Variants in LRP4 observed in about 807,000 individuals in gnomAD.
LRP4 encodes LDL receptor related protein 4, also known as low-density lipoprotein receptor-related protein 4.
Under a neutral mutation model 220.3 loss-of-function variants are expected in LRP4, and 95 were observed. That is an observed-to-expected ratio of 0.43 (90% CI 0.37 to 0.51). The LOEUF is 0.51. Among genes scored for constraint, LRP4 ranks in the 20% least tolerant of loss-of-function variants. The pLI is 0.00. For missense variants in LRP4, 1,925 were observed against 2,567.0 expected (o/e 0.75, Z 5.40); for synonymous variants, 903 against 954.6 (o/e 0.95, Z 1.00).
chr11:46,909,243 G>A (rs1941812342), intron 1 of LRP4, among the ~76,000 whole-genome samples: 2 of 152,004 alleles, frequency 1.3e-5, no homozygotes, highest in South Asian at 4.1e-4. Flanking sequence ...GAAGGCTTAA[G>A]GAGTACCCTG....
intron 7 of LRP4, among the ~76,000 whole-genome samples, chr11:46,897,417 G>A (rs112304428): frequency 0.044 from 6,231 of 142,612 alleles, 400 homozygotes; most frequent in African/African-American, 0.15. Flanking sequence ...GGTGTTTCTC[G>A]CAGAGGGGGA....
chr11:46,900,096 G>T (rs1007616796), intron 3 of LRP4, 120 bp from the exon 4 acceptor site: 5 of 991,058 alleles, frequency 5.0e-6, no homozygotes, highest in Non-Finnish European at 8.0e-6. Flanking sequence ...CTCCGAAGGA[G>T]GTGGCTGCCT....
At chr11:46,880,510 G>A (rs1429819152) in intron 20 of LRP4, among the ~76,000 whole-genome samples, 1 of 152,114 alleles carries the variant, frequency 6.6e-6, no homozygotes, top group Non-Finnish European at 1.5e-5. Flanking sequence ...AGTAGTAGGT[G>A]CCTGTGGTCC....
intron 12 of LRP4, among the ~76,000 whole-genome samples, chr11:46,893,694 G>A (rs1167914759): frequency 6.6e-6 from 1 of 152,048 alleles, no homozygotes; most frequent in Admixed American, 6.5e-5. Flanking sequence ...CCACCTCCTG[G>A]GTTCAAGAGT....
chr11:46,885,704 G>A lies in LRP4; in HGVS notation c.2506+387C>T, dbSNP rs1941272871. On this transcript the variant is annotated intron_variant, in intron 18 of 37. Transcript: ENST00000378623. ...GGAGAAAACAGCATGAACCCGGGAG[G>A]CGGAGCTTGCAGTGAGCCGAGATCG... Among the ~76,000 whole-genome samples, 3 of 150,596 alleles carry A rather than the reference G, an allele frequency of 2.0e-5. 1 individual carries two copies. The highest frequency in any genetic ancestry group is 7.4e-5 in the African/African-American group (3 of 40,810).
intron 1 of LRP4, among the ~76,000 whole-genome samples, chr11:46,908,763 T>G (rs1941804216): frequency 6.6e-6 from 1 of 152,212 alleles, no homozygotes. Context: ...AAGTCTGGCG[T>G]CCCAGCACTT....
chr11:46,874,730 G>T, intron 28 of LRP4, 70 bp downstream of exon 28: 1 of 1,412,256 alleles, frequency 7.1e-7, no homozygotes. Flanking sequence ...TTAGTGGTCA[G>T]AACACAACCT....
chr11:46,865,024 AC>A (rs1358844342), intron 35 of LRP4, 94 bp downstream of exon 35: 26 of 1,067,420 alleles, frequency 2.4e-5, no homozygotes, highest in South Asian at 2.3e-4. Flanking sequence ...GAGTTCATCA[AC>A]CCCAGAGTCC....
chr11:46,886,421 C>T lies in LRP4; in HGVS notation c.2328G>A (p.Val776=). The change falls in exon 17 of 38, where the codon GTG becomes GTA. Residue 776 remains valine, a synonymous_variant. Coordinates refer to ENST00000378623, the MANE Select transcript of LRP4 (RefSeq NM_002334.4). ...CATCCCGGGAGTCCCAGTCAAGGGC[C>T]ACAGCACTGCGCACGTCAGCCAGTG... ...VIPLADVRSA[V]ALDWDSRDDH... 6.2e-7 allele frequency: 1 copy of T among 1,613,940 alleles called. No individual in the cohort carries two copies. Among genetic ancestry groups the T allele is most frequent in the Non-Finnish European group, 8.5e-7 (1 of 1,179,954 alleles).
Position 46,868,603 on chromosome 11 carries a change from G to T in LRP4, c.4948C>A (p.Leu1650Ile). 6.2e-7 allele frequency: 1 copy of T among 1,612,594 alleles called. No individual in the cohort carries two copies. The highest frequency in any genetic ancestry group is 8.5e-7 in the Non-Finnish European group (1 of 1,178,564). Residue 1650 changes from leucine to isoleucine, a missense_variant, in exon 33 of 38, where the codon CTT (leucine) becomes ATT (isoleucine). Physicochemically the swap from Leu to Ile is conservative, Grantham distance 5 (BLOSUM62 2). Coordinates refer to ENST00000378623, the MANE Select transcript of LRP4 (RefSeq NM_002334.4). ...CCAGCCATACAGTCCAACTCACCAA[G>T]GGAGCAGGGCCGGCTATCAGGTTCG... ...PDEPDSRPCS[L>I]VPGLVPPAPR...
chr11:46,873,255 C>A lies in LRP4; in HGVS notation c.4449-21G>T, dbSNP rs373121787. 29 of 1,614,062 alleles carry A rather than the reference C, an allele frequency of 1.8e-5. No homozygotes were observed. The highest frequency in any genetic ancestry group is 3.3e-5 in the Admixed American group (2 of 60,006). ...GGTACCTGAGACACAACAGTGCCATCATCATCAAGGCATGGGAAGACAGCA... is the reference window on the plus strand; with the variant it reads ...GGTACCTGAGACACAACAGTGCCATAATCATCAAGGCATGGGAAGACAGCA... On this transcript the variant is annotated intron_variant, in intron 29 of 37. Transcript: ENST00000378623. The surrounding 1 kb of genome is among the most constrained non-coding windows in gnomAD (Gnocchi z 4.2).
intron 1 of LRP4, among the ~76,000 whole-genome samples, chr11:46,912,310 C>A (rs1941873477): frequency 6.6e-6 from 1 of 152,212 alleles, no homozygotes; most frequent in Middle Eastern, 3.2e-3. Context: ...TTTTAAACCA[C>A]ATATCCCAAT....
chr11:46,895,036 T>C, intron 11 of LRP4, 130 bp downstream of exon 11: 1 of 1,237,766 alleles, frequency 8.1e-7, no homozygotes, highest in Non-Finnish European at 1.2e-6. Context: ...GGGCTCAGAA[T>C]GCAACTGTTG....
At position 46,886,531 on chromosome 11, in the gene LRP4, G is replaced by T. The variant is rs745406319; in HGVS notation, c.2218C>A (p.Leu740Ile). ...CGGGCAAAAAGCAGGAACTTGTCAA[G>T]ACCTGATCAAAGGCCGAAAGGGGTC... ...KISSHACAQS[L>I]DKFLLFARRM... Residue 740 changes from leucine to isoleucine, a missense_variant and splice_region_variant, in exon 17 of 38, where the codon CTT (leucine) becomes ATT (isoleucine). This residue lies in a region of LRP4 where 1,244 missense variants were observed against 1,624.9 expected (regional missense o/e 0.77). Coordinates refer to ENST00000378623, the MANE Select transcript of LRP4 (RefSeq NM_002334.4). The T allele has an allele frequency of 6.2e-7, 1 of 1,613,962 alleles. No homozygotes were observed. Among genetic ancestry groups the T allele is most frequent in the South Asian group, 1.1e-5 (1 of 91,038 alleles).
intron 2 of LRP4, among the ~76,000 whole-genome samples, chr11:46,901,389 C>A (rs1038732329): frequency 6.6e-6 from 1 of 152,206 alleles, no homozygotes; most frequent in Non-Finnish European, 1.5e-5. Context: ...AAGTCATTTA[C>A]CCTCTCTGAG....
intron 18 of LRP4, among the ~76,000 whole-genome samples, chr11:46,884,484 C>G (rs1941234810): frequency 6.6e-6 from 1 of 152,016 alleles, no homozygotes; most frequent in Non-Finnish European, 1.5e-5. Context: ...CACCTGTAAT[C>G]CCAGCAGTTT....
At chr11:46,866,665 T>C (rs1235893871) in intron 34 of LRP4, among the ~76,000 whole-genome samples, 6 of 152,224 alleles carry the variant, frequency 3.9e-5, no homozygotes. Context: ...ACATCTGTAA[T>C]GCCAGCACTT....
rs747753710 is a variant in LRP4, at chr11:46,877,331, T to G, written c.3145A>C (p.Ser1049Arg). The change falls in exon 23 of 38, where the codon AGT becomes CGT. Residue 1049 changes from serine (S) to arginine (R), a missense_variant. By Grantham distance (110) the Ser-to-Arg change is moderately radical. Transcript: ENST00000378623. ...ATCCTCCTGGCGAAGATGAGGAAACTGTTCATGCCTGCCAGGTGGAGAGGA... is the reference window on the plus strand; with the variant it reads ...ATCCTCCTGGCGAAGATGAGGAAACGGTTCATGCCTGCCAGGTGGAGAGGA... ...DGKTCSPGMN[S>R]FLIFARRIDI... 1.2e-6 allele frequency: 2 copies of G among 1,614,092 alleles called. No individual in the cohort carries two copies. The highest frequency in any genetic ancestry group is 2.2e-5 in the South Asian group (2 of 91,074).
At chr11:46,908,663 TG>T (rs1941802226) in intron 1 of LRP4, among the ~76,000 whole-genome samples, 1 of 152,204 alleles carries the variant, frequency 6.6e-6, no homozygotes, top group South Asian at 2.1e-4. Flanking sequence ...AGTGAGTTTA[TG>T]GGTCTCAAAC....
Sources: allele counts gnomAD v4.1 joint callset (sites outside exome capture counted in the v4.1 genomes callset), GRCh38; gene constraint gnomAD v4.1.1; regional missense constraint gnomAD v4.1.1; non-coding constraint Gnocchi (gnomAD v3.1); transcripts MANE v1.5; gene names NCBI Gene and HGNC (gene_info 2026-07-23, HGNC 2026-07-21).